Variants in SNX14 observed in about 807,000 individuals in gnomAD.
The protein encoded by SNX14 is sorting nexin 14, also known as sorting nexin-14.
SNX14 carries 93 observed loss-of-function variants against 133.8 expected under a neutral mutation model. The observed-to-expected ratio is 0.70, with a 90% CI of 0.59 to 0.83. The LOEUF (loss-of-function observed/expected upper bound fraction) is 0.83, where lower values mean the gene tolerates loss of function less well. Ranked by LOEUF, SNX14 falls within the 40% of genes least tolerant of loss-of-function variation. SNX14 has a pLI of 0.00. For synonymous variants in SNX14, 368 were observed against 365.6 expected, an observed-to-expected ratio of 1.01 and a Z score of -0.07; for missense variants, 945 against 1,094.9, an observed-to-expected ratio of 0.86 and a Z score of 1.93.
At chr6:85,576,723 T>C (rs949298434) in intron 1 of SNX14, among the ~76,000 whole-genome samples, 1 of 152,126 alleles carries the variant, frequency 6.6e-6, no homozygotes, top group Non-Finnish European at 1.5e-5. Context: ...CTTCCATGTG[T>C]TTCTGGGGCC....
intron 19 of SNX14, among the ~76,000 whole-genome samples, chr6:85,529,033 C>T (rs902715158): frequency 1.4e-5 from 2 of 147,244 alleles, no homozygotes; most frequent in African/African-American, 5.1e-5. Context: ...GCCTGGGTGA[C>T]AGAGTGAGAC....
Position 85,593,564 on chromosome 6 carries a change from G to C in SNX14, c.140+15C>G, listed in dbSNP as rs543061539. The C allele has an allele frequency of 2.0e-4, 313 of 1,602,254 alleles. No individual in the cohort carries two copies. Among genetic ancestry groups the C allele is most frequent in the Non-Finnish European group, 2.6e-4 (309 of 1,174,958 alleles). ...GGAGAAAAGCCGCCGCCCAGGCTCC[G>C]CGCTGCGGCGTTACCTGTTAAGAAG... On this transcript the variant is annotated intron_variant, in intron 1 of 28. Coordinates refer to ENST00000314673, the MANE Select transcript of SNX14 (RefSeq NM_153816.6).
At chr6:85,591,033 T>C (rs1308204149) in intron 1 of SNX14, among the ~76,000 whole-genome samples, 1 of 152,250 alleles carries the variant, frequency 6.6e-6, no homozygotes, top group Non-Finnish European at 1.5e-5. Context: ...GTACTTTGTA[T>C]GGATCCCATG....
At chr6:85,588,791 T>C (rs561165970) in intron 1 of SNX14, 99 of 445,442 alleles carry the variant, frequency 2.2e-4, no homozygotes, top group South Asian at 3.2e-4. Context: ...TATACTGTAT[T>C]CTTACAATGA....
At chr6:85,559,985 T>A (rs556220116) in intron 6 of SNX14, among the ~76,000 whole-genome samples, 1 of 152,154 alleles carries the variant, frequency 6.6e-6, no homozygotes, top group South Asian at 2.1e-4. Flanking sequence ...AGAGTGAGAT[T>A]ATAAATAGTT....
chr6:85,583,345 A>C (rs1436823320), intron 1 of SNX14, among the ~76,000 whole-genome samples: 4 of 152,200 alleles, frequency 2.6e-5, no homozygotes, highest in African/African-American at 9.7e-5. Context: ...CTGACACAAC[A>C]CAAGGATCCC....
At chr6:85,534,908 T>C (rs1042467774) in intron 17 of SNX14, among the ~76,000 whole-genome samples, 1 of 150,714 alleles carries the variant, frequency 6.6e-6, no homozygotes, top group African/African-American at 2.4e-5. Flanking sequence ...TGCACGTACG[T>C]GGCATTTAAA....
intron 23 of SNX14, among the ~76,000 whole-genome samples, chr6:85,515,512 A>G (rs1010831063): frequency 6.6e-6 from 1 of 152,006 alleles, no homozygotes; most frequent in Non-Finnish European, 1.5e-5. Flanking sequence ...AAAGGGAGAA[A>G]GAGGGGAGGG....
At chr6:85,565,453 T>G (rs1793501657) in intron 5 of SNX14, 34 bp from the exon 6 acceptor site, 2 of 1,493,244 alleles carry the variant, frequency 1.3e-6, no homozygotes, top group Non-Finnish European at 1.8e-6. Flanking sequence ...ATTCAGAAGT[T>G]CAGAGAAATA....
intron 16 of SNX14, 75 bp downstream of exon 16, chr6:85,538,763 A>G: frequency 7.5e-7 from 1 of 1,332,060 alleles, no homozygotes. Flanking sequence ...TTTCCTTTTT[A>G]TTTGTATTAG....
In SNX14 at chr6:85,517,856, G is replaced by C. The variant is rs1157837748; in HGVS notation, c.2168C>G (p.Pro723Arg). Residue 723 changes from proline (P) to arginine (R), a missense_variant, in exon 23 of 29, where the codon CCT becomes CGT. This residue lies in a region of SNX14 where 412 missense variants were observed against 516.6 expected (regional missense o/e 0.80). Transcript: ENST00000314673. ...LMKEKGQHLE[P>R]FIMNFINSCE... ...AGAATTAATGAAATTCATGATAAAA[G>C]GTTCCAAATGCTGACCTTTCTGTGG... The C allele has an allele frequency of 1.2e-6, 2 of 1,607,550 alleles. No individual in the cohort carries two copies. Among genetic ancestry groups the C allele is most frequent in the Non-Finnish European group, 1.7e-6 (2 of 1,178,292 alleles).
At chr6:85,531,693 T>G (rs537395221) in intron 18 of SNX14, among the ~76,000 whole-genome samples, 1 of 152,266 alleles carries the variant, frequency 6.6e-6, no homozygotes, top group African/African-American at 2.4e-5. Context: ...ACATTGACAG[T>G]AGAAGTCTGC....
rs16876339 is a variant in SNX14 at position 85,513,753 on chromosome 6, C to T, written c.2653+47G>A. Reference sequence around the variant, plus strand: ...TAATTACTATACATTGTGACCTCAACGGACTGCTAATCTATATGAAATTAA... The same window carrying T: ...TAATTACTATACATTGTGACCTCAATGGACTGCTAATCTATATGAAATTAA... On this transcript the variant is annotated intron_variant, in intron 26 of 28. Transcript: ENST00000314673. 12,563 of 1,400,398 alleles carry T rather than the reference C, an allele frequency of 9.0e-3. 1,145 individuals carry two copies. The Admixed American group carries it at 0.18, about 20-fold the overall frequency. 86.7% of individuals were successfully genotyped at this position (1,400,398 alleles called of 1,614,324 possible). A position where few individuals can be genotyped will look rare whatever the true frequency, so the allele number is the denominator to read the frequency against.
At chr6:85,541,057 G>C (rs949391188) in intron 15 of SNX14, among the ~76,000 whole-genome samples, 1 of 149,542 alleles carries the variant, frequency 6.7e-6, no homozygotes, top group African/African-American at 2.5e-5. Context: ...GCAGTAGCAC[G>C]ATCTTGGCTC....
chr6:85,536,680 T>G, intron 17 of SNX14, 112 bp downstream of exon 17: 6 of 985,216 alleles, frequency 6.1e-6, no homozygotes, highest in Non-Finnish European at 8.7e-6. Context: ...AGGTAAAGTA[T>G]TAAACAGAAT....
At chr6:85,523,114 T>C (rs1777418971) in intron 21 of SNX14, among the ~76,000 whole-genome samples, 1 of 152,174 alleles carries the variant, frequency 6.6e-6, no homozygotes, top group Non-Finnish European at 1.5e-5. Context: ...GGATTCAATT[T>C]TGCTAAAGTA....
intron 21 of SNX14, among the ~76,000 whole-genome samples, chr6:85,524,448 G>T (rs770581867): frequency 2.6e-5 from 4 of 152,104 alleles, no homozygotes; most frequent in Admixed American, 2.0e-4. Flanking sequence ...CTGCAGAGGA[G>T]GTCAAGAAGA....
intron 23 of SNX14, among the ~76,000 whole-genome samples, chr6:85,515,644 C>G (rs1020825715): frequency 6.6e-6 from 1 of 152,100 alleles, no homozygotes; most frequent in Non-Finnish European, 1.5e-5. Context: ...TCTATTGGCT[C>G]TTATGTCAGA....
At position 85,515,262 on chromosome 6, in the gene SNX14, C is replaced by CAAAA. The variant is rs751549621; in HGVS notation, c.2269-637_2269-634dup. ...AGCCTGGGTGACAGAGCAAGACCGT[C>CAAAA]AAAAAAAAAAAAAAAAAAAAAAAAA... On this transcript the variant is annotated intron_variant, in intron 23 of 28. Transcript: ENST00000314673. Among the ~76,000 whole-genome samples, 87 of 22,434 alleles carry CAAAA rather than the reference C, an allele frequency of 3.9e-3. 1 individual carries two copies. The highest frequency in any genetic ancestry group is 0.016 in the East Asian group (10 of 640). The allele number at this position is 22,434 out of a possible 152,430, so 14.7% of individuals were successfully genotyped here. A position where few individuals can be genotyped will look rare whatever the true frequency, so the allele number is the denominator to read the frequency against.
Sources: allele counts gnomAD v4.1 joint callset (sites outside exome capture counted in the v4.1 genomes callset), GRCh38; gene constraint gnomAD v4.1.1; regional missense constraint gnomAD v4.1.1; transcripts MANE v1.5; gene names NCBI Gene and HGNC (gene_info 2026-07-23, HGNC 2026-07-21).